The following PDLIM5 variants were observed in gnomAD, a reference collection of about 807,000 sequenced individuals.
The protein encoded by PDLIM5 is PDZ and LIM domain protein 5.
A neutral mutation model predicts 64.2 loss-of-function variants in PDLIM5; 34 were observed. The ratio of observed to expected loss-of-function variants is 0.53; its 90% CI spans 0.40 to 0.71. The LOEUF (loss-of-function observed/expected upper bound fraction) is 0.71, where lower values mean the gene tolerates loss of function less well. Among genes scored for constraint, PDLIM5 ranks in the 30% least tolerant of loss-of-function variants. The pLI, the probability that PDLIM5 is intolerant of heterozygous loss-of-function variation, is 0.00. For missense variants in PDLIM5, 683 were observed against 733.6 expected (o/e 0.93, Z 0.80); for synonymous variants, 253 against 269.1 (o/e 0.94, Z 0.59).
Position 94,665,571 on chromosome 4 carries a change from C to T in PDLIM5, c.*1504C>T. The T allele has an allele frequency of 1.1e-6, 1 of 916,180 alleles. No individual in the cohort carries two copies. Among genetic ancestry groups the T allele is most frequent in the Non-Finnish European group, 1.3e-6 (1 of 791,358 alleles). The allele number at this position is 916,180 out of a possible 1,614,324, so 56.8% of individuals were successfully genotyped here. On this transcript the variant is annotated 3_prime_UTR_variant, in exon 13 of 13. Coordinates refer to ENST00000317968, the MANE Select transcript of PDLIM5 (RefSeq NM_006457.5). ...TTGTGAATCAGAAGATTATACCCCC[C>T]AATTGTTTTTCAATCCCCTTTTCTC...
At chr4:94,556,099 C>T (rs1214371968) in intron 3 of PDLIM5, among the ~76,000 whole-genome samples, 1 of 135,002 alleles carries the variant, frequency 7.4e-6, no homozygotes, top group Non-Finnish European at 1.5e-5. Context: ...TGTTCCCCTT[C>T]CTGTGTCCAT....
At chr4:94,548,128 T>G (rs1173632383) in intron 3 of PDLIM5, among the ~76,000 whole-genome samples, 1 of 152,194 alleles carries the variant, frequency 6.6e-6, no homozygotes. Context: ...CTGTACTCTG[T>G]TCTTTCACAC....
intron 9 of PDLIM5, among the ~76,000 whole-genome samples, chr4:94,650,117 A>G (rs941396075): frequency 6.6e-5 from 10 of 152,352 alleles, no homozygotes; most frequent in Admixed American, 1.3e-4. Context: ...CAGTGTTTCC[A>G]AATTTTAGGA....
chr4:94,601,209 T>A (rs562893529), intron 7 of PDLIM5, among the ~76,000 whole-genome samples: 1 of 152,190 alleles, frequency 6.6e-6, no homozygotes, highest in Non-Finnish European at 1.5e-5. Flanking sequence ...GTACACTCAG[T>A]GTCTGGTGAG....
chr4:94,471,324 G>A (rs1182410649), intron 2 of PDLIM5, among the ~76,000 whole-genome samples: 1 of 151,686 alleles, frequency 6.6e-6, no homozygotes, highest in Non-Finnish European at 1.5e-5. Context: ...GTCTACTTGA[G>A]AGATAGTTTC....
chr4:94,650,626 C>T (rs1017071426), intron 9 of PDLIM5, among the ~76,000 whole-genome samples: 13 of 152,114 alleles, frequency 8.5e-5, no homozygotes, highest in African/African-American at 3.1e-4. Context: ...AAGTTAATTT[C>T]TGTCATTGGG....
chr4:94,618,762 C>A (rs1738988122), intron 8 of PDLIM5, among the ~76,000 whole-genome samples: 2 of 152,150 alleles, frequency 1.3e-5, no homozygotes, highest in Admixed American at 6.5e-5. Context: ...AGTCACATAA[C>A]CTCTTTGACA....
At chr4:94,623,429 C>T (rs1739413374) in intron 8 of PDLIM5, among the ~76,000 whole-genome samples, 1 of 152,174 alleles carries the variant, frequency 6.6e-6, no homozygotes, top group African/African-American at 2.4e-5. Flanking sequence ...CCTTTTAAGA[C>T]CAGCTTGTTC....
chr4:94,591,464 C>CT lies in PDLIM5; in HGVS notation c.920+5022dup, dbSNP rs559452539. 2.2e-3 allele frequency among the ~76,000 whole-genome samples: 341 copies of CT among 152,296 alleles called. 3 individuals carry two copies. Among genetic ancestry groups the CT allele is most frequent in the Non-Finnish European group, 4.0e-3 (269 of 68,014 alleles). The stretch of plus-strand genomic sequence containing the variant: ...ACTCAGATACCACTTCAGTGGAGGA[C>CT]TTGATACCTCTGCTGATGGGAGTGT... On this transcript the variant is annotated intron_variant, in intron 7 of 12. Transcript: ENST00000317968.
chr4:94,568,645 C>T (rs1316954446), intron 3 of PDLIM5, among the ~76,000 whole-genome samples: 2 of 151,442 alleles, frequency 1.3e-5, no homozygotes, highest in African/African-American at 4.9e-5. Context: ...AATTTTTTTC[C>T]CTCATAAAAC....
intron 2 of PDLIM5, among the ~76,000 whole-genome samples, chr4:94,490,217 G>C (rs906228004): frequency 1.3e-5 from 2 of 151,620 alleles, no homozygotes; most frequent in African/African-American, 4.8e-5. Flanking sequence ...AAACATTTTT[G>C]TCAACAATGA....
chr4:94,607,976 A>C, intron 7 of PDLIM5: 2 of 926,798 alleles, frequency 2.2e-6, no homozygotes, highest in Non-Finnish European at 3.1e-6. Flanking sequence ...TAGACATTTA[A>C]AAGATGGTAT....
intron 2 of PDLIM5, among the ~76,000 whole-genome samples, chr4:94,458,920 G>T (rs1723622900): frequency 6.6e-6 from 1 of 152,164 alleles, no homozygotes; most frequent in Non-Finnish European, 1.5e-5. Context: ...TCCTCAGGTT[G>T]CTGTAGCTGG....
rs111387310 is a variant in PDLIM5, at chr4:94,500,771, T to TTTTATTTA, written c.97-22929_97-22922dup. 2.6e-3 allele frequency among the ~76,000 whole-genome samples: 383 copies of TTTTATTTA among 148,944 alleles called. 1 individual carries two copies. The highest frequency in any genetic ancestry group is 9.1e-3 in the African/African-American group (367 of 40,500). On this transcript the variant is annotated intron_variant, in intron 2 of 12. Coordinates refer to ENST00000317968, the MANE Select transcript of PDLIM5 (RefSeq NM_006457.5). ...ATTTATTTCTTTCAAAGTTTATGGA[T>TTTTATTTA]TTTATTTATTTATTTATTTATTTAT...
chr4:94,556,108 A>G lies in PDLIM5; in HGVS notation c.249-17243A>G, dbSNP rs1355499130. 2.5e-5 allele frequency among the ~76,000 whole-genome samples: 3 copies of G among 120,976 alleles called. No individual in the cohort carries two copies. The Admixed American group carries it at 3.6e-4, about 14-fold the overall frequency. 79.4% of individuals were successfully genotyped at this position (120,976 alleles called of 152,430 possible). On this transcript the variant is annotated intron_variant, in intron 3 of 12. Coordinates refer to ENST00000317968, the MANE Select transcript of PDLIM5 (RefSeq NM_006457.5). ...GTGTGATGTTCCCCTTCCTGTGTCC[A>G]TGTGTTCTCATGGTTAAATTCCCAC...
At chr4:94,558,301 G>A (rs935239828) in intron 3 of PDLIM5, among the ~76,000 whole-genome samples, 2 of 152,148 alleles carry the variant, frequency 1.3e-5, no homozygotes, top group Non-Finnish European at 2.9e-5. Context: ...TTGCTTGGCT[G>A]TAAGTAAAAT....
intron 3 of PDLIM5, among the ~76,000 whole-genome samples, chr4:94,535,958 A>G (rs541437698): frequency 1.3e-5 from 2 of 151,638 alleles, no homozygotes; most frequent in Non-Finnish European, 2.9e-5. Flanking sequence ...GCAGTTTTAA[A>G]TGAAGATGTA....
chr4:94,658,736 A>G (rs963062999), intron 11 of PDLIM5, among the ~76,000 whole-genome samples: 2 of 152,224 alleles, frequency 1.3e-5, no homozygotes, highest in Non-Finnish European at 2.9e-5. Context: ...CAACCTGGAT[A>G]TATTCCAGAC....
At chr4:94,480,173 G>A (rs1246217317) in intron 2 of PDLIM5, among the ~76,000 whole-genome samples, 1 of 152,176 alleles carries the variant, frequency 6.6e-6, no homozygotes, top group Non-Finnish European at 1.5e-5. Context: ...TTAGTGTTAA[G>A]TAATTCTAGA....
Sources: gnomAD v4.1 joint callset for allele counts (sites outside exome capture counted in the v4.1 genomes callset) on GRCh38, gnomAD v4.1.1 for gene constraint, MANE v1.5 for transcripts, NCBI Gene and HGNC (gene_info 2026-07-23, HGNC 2026-07-21) for gene names.